Variants in TIMMDC1 observed in about 807,000 individuals in gnomAD.
TIMMDC1 encodes complex I assembly factor TIMMDC1, mitochondrial.
Under a neutral mutation model 32.6 loss-of-function variants are expected in TIMMDC1, and 25 were observed. That is an observed-to-expected ratio of 0.77 (90% confidence interval 0.56 to 1.07). TIMMDC1 has a LOEUF of 1.07. Ranked by LOEUF, TIMMDC1 falls within the 50% of genes least tolerant of loss-of-function variation. The probability of loss-of-function intolerance (pLI) is 0.00; values close to 1 mark genes in which losing one functional copy is unlikely to be tolerated. For synonymous variants in TIMMDC1, 130 were observed against 127.6 expected (o/e 1.02, Z -0.13); for missense variants, 329 against 349.2 (o/e 0.94, Z 0.46).
chr3:119,499,372 T>G (rs900582221), intron 1 of TIMMDC1, among the ~76,000 whole-genome samples: 19 of 151,508 alleles, frequency 1.3e-4, no homozygotes, highest in Middle Eastern at 3.2e-3. Flanking sequence ...AGTGCTGGGA[T>G]TACAGGCGTG....
chr3:119,519,643 T>G (rs570297815), intron 6 of TIMMDC1, among the ~76,000 whole-genome samples: 3 of 152,036 alleles, frequency 2.0e-5, no homozygotes, highest in South Asian at 4.2e-4. Context: ...AAGGGAGAGA[T>G]AAACCCTAAT....
chr3:119,502,705 C>T (rs923188385), intron 2 of TIMMDC1, among the ~76,000 whole-genome samples: 2 of 151,816 alleles, frequency 1.3e-5, no homozygotes, highest in Non-Finnish European at 2.9e-5. Flanking sequence ...ACTGCAAACA[C>T]ACACCACCAT....
At chr3:119,517,157 G>A in intron 5 of TIMMDC1, 48 bp from the exon 6 acceptor site, 1 of 1,192,116 alleles carries the variant, frequency 8.4e-7, no homozygotes, top group Non-Finnish European at 1.2e-6. Flanking sequence ...CATGTTGCAA[G>A]GTCTAATGAC....
At chr3:119,521,556 A>G (rs1176159868) in intron 6 of TIMMDC1, among the ~76,000 whole-genome samples, 2 of 147,556 alleles carry the variant, frequency 1.4e-5, no homozygotes, top group Non-Finnish European at 3.0e-5. Context: ...AATTAGGCAC[A>G]GTAGTGCATG....
chr3:119,505,277 G>GTATAACTTTCAGAAAGTA (rs1229896188), intron 4 of TIMMDC1, among the ~76,000 whole-genome samples: 4 of 151,916 alleles, frequency 2.6e-5, no homozygotes, highest in Admixed American at 2.0e-4. Flanking sequence ...TTTCAGAAAG[G>GTATAACTTTCAGAAAGTA]TAAGTTAACT....
intron 6 of TIMMDC1, among the ~76,000 whole-genome samples, chr3:119,522,799 GGTGTTTGTGTGT>G (rs2082035937): frequency 1.6e-5 from 2 of 127,458 alleles, no homozygotes; most frequent in African/African-American, 6.4e-5. Flanking sequence ...TACACGTATG[GGTGTTTGTGTGT>G]GTGTGTGTGT....
Position 119,503,536 on chromosome 3 carries a change from C to T in TIMMDC1, c.365C>T (p.Ser122Phe), listed in dbSNP as rs148633823. 6.2e-7 allele frequency: 1 copy of T among 1,605,320 alleles called. No homozygotes were observed. The highest frequency in any genetic ancestry group is 8.5e-7 in the Non-Finnish European group (1 of 1,177,288). The change falls in exon 3 of 7, where the codon TCT (serine) becomes TTT (phenylalanine). Residue 122 changes from serine (S) to phenylalanine (F), a missense_variant. Transcript: ENST00000494664. ...CAGTTTTTTAATTAACTTTAGCAAT[C>T]TGCACATCGTGCTGCCACACGAGGC... ...IYHNRFDAVQ[S>F]AHRAATRGFI...
chr3:119,522,786 A>G (rs1196635674), intron 6 of TIMMDC1, among the ~76,000 whole-genome samples: 1 of 149,618 alleles, frequency 6.7e-6, no homozygotes, highest in Non-Finnish European at 1.5e-5. Flanking sequence ...ATTGTATAGC[A>G]TATACACGTA....
In TIMMDC1 at chr3:119,500,796, A is replaced by G. The variant is rs1173357083; in HGVS notation, c.296A>G (p.His99Arg). The change falls in exon 2 of 7, where the codon CAT (histidine) becomes CGT (arginine). Residue 99 changes from histidine (H) to arginine (R), a missense_variant. Physicochemically the swap from His to Arg is conservative, Grantham distance 29. Coordinates refer to ENST00000494664, the MANE Select transcript of TIMMDC1 (RefSeq NM_016589.4). ...TATGGGGGAATACCAGCTTTTATTC[A>G]TGCTAAACAACAATACATTGAGCAG... ...WVYGGIPAFIHAKQQYIEQSQ... is the reference protein window; with the variant it reads ...WVYGGIPAFIRAKQQYIEQSQ... The G allele has an allele frequency of 4.3e-6, 7 of 1,614,184 alleles. No individual in the cohort carries two copies. In the East Asian group the frequency reaches 1.3e-4, roughly 31 times the overall value.
chr3:119,503,417 T>A, intron 2 of TIMMDC1, 115 bp from the exon 3 acceptor site: 2 of 668,460 alleles, frequency 3.0e-6, no homozygotes, highest in Non-Finnish European at 5.0e-6. Context: ...TTCTAGTATT[T>A]CTATCTGTTT....
At chr3:119,505,843 C>T (rs530807799) in intron 4 of TIMMDC1, among the ~76,000 whole-genome samples, 1 of 152,224 alleles carries the variant, frequency 6.6e-6, no homozygotes, top group African/African-American at 2.4e-5. Context: ...CTTCTTGCTA[C>T]TGCATGCACT....
rs1469064256 is a variant in TIMMDC1 at position 119,524,383 on chromosome 3, CAT to C, written c.*629_*630del. On this transcript the variant is annotated 3_prime_UTR_variant, in exon 7 of 7. Transcript: ENST00000494664. ...ATACAGGAATTACTTAGAATAGAAA[CAT>C]AGTCATCACAACTGTTACTAAATGG... 1.3e-5 allele frequency: 2 copies of C among 152,234 alleles called. No homozygotes were observed. Among genetic ancestry groups the C allele is most frequent in the East Asian group, 1.9e-4 (1 of 5,204 alleles). The allele number at this position is 152,234 out of a possible 1,614,324, so 9.4% of individuals were successfully genotyped here.
chr3:119,500,500 T>C, intron 1 of TIMMDC1, 195 bp from the exon 2 acceptor site: 1 of 512,822 alleles, frequency 1.9e-6, no homozygotes, highest in Non-Finnish European at 3.4e-6. Context: ...CTATCCTAAT[T>C]CTAACACCAT....
In TIMMDC1 at chr3:119,500,838, A is replaced by T; in HGVS notation, c.338A>T (p.Tyr113Phe). Reference protein sequence around the residue: ...QYIEQSQAEIYHNRFDAVQSA... With the variant: ...QYIEQSQAEIFHNRFDAVQSA... Reference sequence around the variant, plus strand: ...ATTGAGCAGAGCCAGGCAGAAATTTATCATAACCGGTTTGATGCTGTGGTA... The same window carrying T: ...ATTGAGCAGAGCCAGGCAGAAATTTTTCATAACCGGTTTGATGCTGTGGTA... The change falls in exon 2 of 7, where the codon TAT (tyrosine) becomes TTT (phenylalanine). Residue 113 changes from tyrosine to phenylalanine, a missense_variant. Tyr to Phe is a conservative substitution (Grantham distance 22). Transcript: ENST00000494664. The T allele has an allele frequency of 6.2e-7, 1 of 1,614,028 alleles. No homozygotes were observed. Among genetic ancestry groups the T allele is most frequent in the Non-Finnish European group, 8.5e-7 (1 of 1,179,942 alleles).
chr3:119,509,500 A>G (rs116531602), intron 4 of TIMMDC1, among the ~76,000 whole-genome samples: 1,925 of 152,262 alleles, frequency 0.013, 48 homozygotes, highest in African/African-American at 0.044. Flanking sequence ...AAGACTTCAT[A>G]TTGTATAATT....
chr3:119,520,621 G>A (rs1474645956), intron 6 of TIMMDC1, among the ~76,000 whole-genome samples: 2 of 152,120 alleles, frequency 1.3e-5, no homozygotes, highest in Non-Finnish European at 2.9e-5. Flanking sequence ...AAATGTCCAG[G>A]ACCACATGGC....
At chr3:119,515,007 T>C (rs928220902) in intron 5 of TIMMDC1, among the ~76,000 whole-genome samples, 5 of 151,984 alleles carry the variant, frequency 3.3e-5, no homozygotes, top group Admixed American at 3.3e-4. Context: ...CTGGCCAACA[T>C]GGTGAAATGC....
chr3:119,515,131 A>C (rs1162070957), intron 5 of TIMMDC1, among the ~76,000 whole-genome samples: 1 of 151,018 alleles, frequency 6.6e-6, no homozygotes, highest in African/African-American at 2.4e-5. Context: ...CCCTTCACCT[A>C]GGCAGAGGCA....
intron 4 of TIMMDC1, among the ~76,000 whole-genome samples, chr3:119,507,917 G>A (rs988923846): frequency 2.6e-5 from 4 of 151,972 alleles, no homozygotes; most frequent in Admixed American, 6.6e-5. Context: ...CCTCTCCTTT[G>A]GTGGGACAGG....
Sources: gnomAD v4.1 joint callset for allele counts (sites outside exome capture counted in the v4.1 genomes callset) on GRCh38, gnomAD v4.1.1 for gene constraint, MANE v1.5 for transcripts, NCBI Gene and HGNC (gene_info 2026-07-23, HGNC 2026-07-21) for gene names.